The following PITPNB variants were observed in gnomAD, a reference collection of about 807,000 sequenced individuals.
PITPNB encodes the protein phosphatidylinositol transfer protein beta isoform.
PITPNB carries 16 observed loss-of-function variants against 45.9 expected under a neutral mutation model. The ratio of observed to expected loss-of-function variants is 0.35; its 90% CI spans 0.24 to 0.53. The LOEUF is 0.53. Among genes scored for constraint, PITPNB ranks in the 20% least tolerant of loss-of-function variants. PITPNB has a pLI of 0.93. For synonymous variants in PITPNB, 112 were observed against 108.9 expected, an observed-to-expected ratio of 1.03 and a Z score of -0.18; for missense variants, 188 against 330.5, an observed-to-expected ratio of 0.57 and a Z score of 3.34.
rs534567108 is a variant in PITPNB at position 27,904,750 on chromosome 22, A to C, written c.197+6214T>G. ...TAACAGTAATGATGGAGATGGAAGA[A>C]AGAAAGAAAAGAAGATACAAGAGGA... is the stretch of plus-strand genomic sequence containing the variant. On this transcript the variant is annotated intron_variant, in intron 3 of 11. Coordinates refer to ENST00000335272, the MANE Select transcript of PITPNB (RefSeq NM_012399.5). Among the ~76,000 whole-genome samples the C allele has an allele frequency of 3.3e-5, 5 of 152,160 alleles. No homozygotes were observed. In the South Asian group the frequency reaches 1.0e-3, roughly 32 times the overall value.
intron 7 of PITPNB, among the ~76,000 whole-genome samples, chr22:27,881,713 G>C (rs1388457185): frequency 6.6e-6 from 1 of 152,182 alleles, no homozygotes. Context: ...TGGAACAAAT[G>C]TAACATCTAA....
intron 7 of PITPNB, among the ~76,000 whole-genome samples, chr22:27,882,764 T>A (rs1935008742): frequency 6.6e-6 from 1 of 152,130 alleles, no homozygotes; most frequent in African/African-American, 2.4e-5. Context: ...AAAATAACCC[T>A]CTGGTGAAGG....
chr22:27,887,709 A>G lies in PITPNB; in HGVS notation c.456+6846T>C, dbSNP rs535649818. Among the ~76,000 whole-genome samples, 31 of 152,288 alleles carry G rather than the reference A, an allele frequency of 2.0e-4. 1 individual carries two copies. The South Asian group carries it at 5.6e-3, about 28-fold the overall frequency. ...CCTTAAAGAGCAAGTTTTAGGCACT[A>G]AACATTGACTGCTGGTATGGCAGAT... On this transcript the variant is annotated intron_variant, in intron 7 of 11. Transcript: ENST00000335272.
At chr22:27,911,832 G>C (rs564170167) in intron 2 of PITPNB, among the ~76,000 whole-genome samples, 1 of 152,266 alleles carries the variant, frequency 6.6e-6, no homozygotes, top group South Asian at 2.1e-4. Flanking sequence ...ACCATAAAAG[G>C]TAGGAAATTG....
At chr22:27,878,304 C>T (rs1200888025) in intron 7 of PITPNB, among the ~76,000 whole-genome samples, 1 of 152,028 alleles carries the variant, frequency 6.6e-6, no homozygotes, top group Non-Finnish European at 1.5e-5. Context: ...CACTGTTGAC[C>T]CTAATGCCAA....
At chr22:27,883,470 T>C (rs1383373097) in intron 7 of PITPNB, among the ~76,000 whole-genome samples, 3 of 152,234 alleles carry the variant, frequency 2.0e-5, no homozygotes, top group Non-Finnish European at 4.4e-5. Flanking sequence ...CCATTAATAA[T>C]GTATACTAGA....
At chr22:27,883,217 G>A (rs1359579133) in intron 7 of PITPNB, among the ~76,000 whole-genome samples, 3 of 152,180 alleles carry the variant, frequency 2.0e-5, no homozygotes, top group Non-Finnish European at 4.4e-5. Flanking sequence ...TATTGCAAAG[G>A]AAGAAACATC....
intron 9 of PITPNB, among the ~76,000 whole-genome samples, chr22:27,859,106 A>G (rs1934248323): frequency 6.6e-6 from 1 of 152,220 alleles, no homozygotes; most frequent in African/African-American, 2.4e-5. Context: ...CCAAGAAGAG[A>G]GAAAAGTGCA....
At chr22:27,875,863 G>T (rs1240586328) in intron 7 of PITPNB, among the ~76,000 whole-genome samples, 1 of 152,116 alleles carries the variant, frequency 6.6e-6, no homozygotes, top group African/African-American at 2.4e-5. Flanking sequence ...AGCAAGCAAA[G>T]AACAGGTAAC....
At chr22:27,874,042 T>C (rs1474075282) in intron 7 of PITPNB, among the ~76,000 whole-genome samples, 1 of 152,210 alleles carries the variant, frequency 6.6e-6, no homozygotes, top group African/African-American at 2.4e-5. Context: ...TAAGAAATAA[T>C]AAAAGTCCTG....
intron 3 of PITPNB, among the ~76,000 whole-genome samples, chr22:27,903,372 G>T (rs1162800472): frequency 6.6e-6 from 1 of 151,658 alleles, no homozygotes; most frequent in Non-Finnish European, 1.5e-5. Context: ...GGGAGGTTGA[G>T]GCAGGAGAAG....
At chr22:27,866,749 C>T (rs1334822778) in intron 8 of PITPNB, among the ~76,000 whole-genome samples, 1 of 151,420 alleles carries the variant, frequency 6.6e-6, no homozygotes, top group African/African-American at 2.4e-5. Context: ...TCATAACTGT[C>T]TTCATATTTT....
At chr22:27,905,718 T>C (rs1406757623) in intron 3 of PITPNB, among the ~76,000 whole-genome samples, 1 of 152,104 alleles carries the variant, frequency 6.6e-6, no homozygotes, top group African/African-American at 2.4e-5. Flanking sequence ...TCCCCATCAA[T>C]CAGGACTGAC....
rs74940181 is a variant in PITPNB, at chr22:27,879,613, A to C, written c.457-5798T>G. 7.5e-3 allele frequency among the ~76,000 whole-genome samples: 1,138 copies of C among 152,308 alleles called. 15 individuals are homozygous for C. The highest frequency in any genetic ancestry group is 0.026 in the African/African-American group (1,066 of 41,566). ...TAACACTTAAAAATGAAGATATTTC[A>C]AACTCTACTACCAATGAAATGAGTT... On this transcript the variant is annotated intron_variant, in intron 7 of 11. Coordinates refer to ENST00000335272, the MANE Select transcript of PITPNB (RefSeq NM_012399.5).
At chr22:27,866,067 TA>T (rs1934475504) in intron 8 of PITPNB, among the ~76,000 whole-genome samples, 1 of 152,190 alleles carries the variant, frequency 6.6e-6, no homozygotes, top group Admixed American at 6.5e-5. Context: ...GAGTTTTACA[TA>T]AAGCATGAAA....
At chr22:27,864,776 A>G (rs898096357) in intron 8 of PITPNB, among the ~76,000 whole-genome samples, 1 of 152,118 alleles carries the variant, frequency 6.6e-6, no homozygotes, top group African/African-American at 2.4e-5. Flanking sequence ...CGTCTCTACT[A>G]AAGATACAAA....
chr22:27,884,017 A>C (rs1007056993), intron 7 of PITPNB, among the ~76,000 whole-genome samples: 1 of 152,214 alleles, frequency 6.6e-6, no homozygotes, highest in African/African-American at 2.4e-5. Flanking sequence ...GAGTGGACCC[A>C]CAGCTTTGCT....
intron 6 of PITPNB, among the ~76,000 whole-genome samples, chr22:27,895,600 A>G (rs1402522204): frequency 7.0e-6 from 1 of 143,826 alleles, no homozygotes; most frequent in South Asian, 2.1e-4. Context: ...AAAAAAAAAA[A>G]CAAAAAGAAA....
chr22:27,899,275 T>G (rs1935525105), intron 3 of PITPNB, among the ~76,000 whole-genome samples: 1 of 152,230 alleles, frequency 6.6e-6, no homozygotes, highest in South Asian at 2.1e-4. Context: ...AAATCTTCCT[T>G]AATGTCTTCA....
Sources: allele counts gnomAD v4.1 joint callset (sites outside exome capture counted in the v4.1 genomes callset), GRCh38; gene constraint gnomAD v4.1.1; transcripts MANE v1.5; gene names NCBI Gene and HGNC (gene_info 2026-07-23, HGNC 2026-07-21).